The following CACYBP variants were observed in gnomAD, a reference collection of about 807,000 sequenced individuals.
CACYBP encodes the protein calcyclin binding protein.
Under a neutral mutation model 29.6 loss-of-function variants are expected in CACYBP, and 11 were observed. The ratio of observed to expected loss-of-function variants is 0.37; its 90% CI spans 0.23 to 0.61. CACYBP has a LOEUF of 0.61. Among genes scored for constraint, CACYBP ranks in the 20% least tolerant of loss-of-function variants. The pLI is 0.65. For missense variants in CACYBP, 163 were observed against 260.7 expected (o/e 0.63, Z 2.58); for synonymous variants, 73 against 88.3 (o/e 0.83, Z 0.97).
At position 175,010,312 on chromosome 1, in the gene CACYBP, A is replaced by G; in HGVS notation, c.*233A>G. 1 of 347,340 alleles carries G rather than the reference A, an allele frequency of 2.9e-6. No individual in the cohort carries two copies. The highest frequency in any genetic ancestry group is 5.2e-6 in the Non-Finnish European group (1 of 192,938). 21.5% of individuals were successfully genotyped at this position (347,340 alleles called of 1,614,324 possible). A position where few individuals can be genotyped will look rare whatever the true frequency, so the allele number is the denominator to read the frequency against. On this transcript the variant is annotated 3_prime_UTR_variant, in exon 6 of 6. Transcript: ENST00000367679. ...AGTACCCTGGTCATTTTGTTCAAGG[A>G]AGGGTTATATTGCATTCTCACGTGA...
chr1:175,005,726 C>G (rs1672605343), intron 2 of CACYBP, among the ~76,000 whole-genome samples: 1 of 152,144 alleles, frequency 6.6e-6, no homozygotes, highest in Non-Finnish European at 1.5e-5. Flanking sequence ...GTATAGGAAA[C>G]TGGTCTGAAG....
chr1:175,009,272 G>GT lies in CACYBP; in HGVS notation c.530+574dup, dbSNP rs201688392. 7.7e-4 allele frequency among the ~76,000 whole-genome samples: 117 copies of GT among 151,570 alleles called. 1 individual carries two copies. The highest frequency in any genetic ancestry group is 2.4e-3 in the African/African-American group (99 of 41,306). On this transcript the variant is annotated intron_variant, in intron 5 of 5. Transcript: ENST00000367679. ...TAATGTTTATGATTTTCCCTCAAGT[G>GT]TTTTTTTTCAAATTATGAGGAAACA...
chr1:175,000,435 A>G (rs973417285), intron 1 of CACYBP: 2 of 1,379,464 alleles, frequency 1.4e-6, no homozygotes, highest in African/African-American at 1.5e-5. Flanking sequence ...GTGTGCGGCG[A>G]TTATCCGTGC....
chr1:175,002,479 T>C (rs529878063), intron 1 of CACYBP, among the ~76,000 whole-genome samples: 1 of 152,332 alleles, frequency 6.6e-6, no homozygotes, highest in East Asian at 1.9e-4. Context: ...TTGGTGTTAA[T>C]GCCTCCTAGT....
chr1:175,006,626 T>A (rs758728598), intron 2 of CACYBP, 119 bp from the exon 3 acceptor site: 9 of 568,794 alleles, frequency 1.6e-5, no homozygotes, highest in Admixed American at 3.3e-5. Context: ...AATTTTTTCA[T>A]GTTTATATGA....
chr1:174,999,644 A>G (rs958477275), upstream of CACYBP: 12 of 226,552 alleles, frequency 5.3e-5, no homozygotes, highest in African/African-American at 2.9e-4. Flanking sequence ...AGCGGACGAA[A>G]GCAGGTGACT....
At chr1:175,009,019 GT>G (rs1468917235) in intron 5 of CACYBP, 2 of 218,220 alleles carry the variant, frequency 9.2e-6, no homozygotes, top group Non-Finnish European at 1.8e-5. Context: ...CTGATGCGTA[GT>G]TTTCATTGTC....
chr1:175,011,846 G>A lies in CACYBP; in HGVS notation c.*1767G>A, dbSNP rs1267814374. 2 of 152,254 alleles carry A rather than the reference G, an allele frequency of 1.3e-5. No individual in the cohort carries two copies. The highest frequency in any genetic ancestry group is 1.3e-4 in the Admixed American group (2 of 15,282). The allele number at this position is 152,254 out of a possible 1,614,324, so 9.4% of individuals were successfully genotyped here. On this transcript the variant is annotated 3_prime_UTR_variant, in exon 6 of 6. Coordinates refer to ENST00000367679, the MANE Select transcript of CACYBP (RefSeq NM_014412.3). Reference sequence around the variant, plus strand: ...TGGGCAGGTGCAGTGGCTCACACCTGTAATCCCAACACCTTGGGAGGCCAA... The same window carrying A: ...TGGGCAGGTGCAGTGGCTCACACCTATAATCCCAACACCTTGGGAGGCCAA...
At chr1:175,006,924 A>G in intron 3 of CACYBP, 83 bp downstream of exon 3, 1 of 923,544 alleles carries the variant, frequency 1.1e-6, no homozygotes, top group Non-Finnish European at 1.7e-6. Context: ...TGCAGTTTTT[A>G]AAATTCTTAA....
rs1034462 is a variant in CACYBP at position 175,011,187 on chromosome 1, T to C, written c.*1108T>C. ...AACTAAACTAAAGCTACAATTAATA[T>C]GGGAATTTGGAAGAAGTGGTAGGAT... On this transcript the variant is annotated 3_prime_UTR_variant, in exon 6 of 6. Transcript: ENST00000367679. 0.21 allele frequency: 30,525 copies of C among 146,332 alleles called. 3,331 individuals carry two copies. Among genetic ancestry groups the C allele is most frequent in the Admixed American group, 0.25 (3,669 of 14,544 alleles). The allele number at this position is 146,332 out of a possible 1,614,324, so 9.1% of individuals were successfully genotyped here.
At chr1:175,008,517 A>G in intron 4 of CACYBP, 92 bp from the exon 5 acceptor site, 2 of 722,216 alleles carry the variant, frequency 2.8e-6, no homozygotes, top group East Asian at 5.0e-5. Flanking sequence ...CATACTAGGG[A>G]CTTGATCAAT....
intron 4 of CACYBP, among the ~76,000 whole-genome samples, chr1:175,008,125 C>T (rs965327230): frequency 6.6e-6 from 1 of 152,104 alleles, no homozygotes; most frequent in Admixed American, 6.6e-5. Context: ...AAATGCCTCA[C>T]CTTGCCCCAT....
chr1:175,010,020 A>G lies in CACYBP; in HGVS notation c.628A>G (p.Ile210Val). The stretch of plus-strand genomic sequence containing the variant: ...TGGAGACGATGATATGAAGCGAACC[A>G]TTAATAAAGCCTGGGTGGAATCAAG... ...EDGDDDMKRT[I>V]NKAWVESREK... is the part of the protein sequence containing the mutation. The change falls in exon 6 of 6, where the codon ATT becomes GTT. Residue 210 changes from isoleucine (I) to valine (V), a missense_variant. Ile to Val is a conservative substitution (Grantham distance 29). Coordinates refer to ENST00000367679, the MANE Select transcript of CACYBP (RefSeq NM_014412.3). 1 of 1,613,868 alleles carries G rather than the reference A, an allele frequency of 6.2e-7. No individual in the cohort carries two copies. The highest frequency in any genetic ancestry group is 8.5e-7 in the Non-Finnish European group (1 of 1,179,798).
rs1672766325 is a variant in CACYBP, at chr1:175,011,903, A to AGAC, written c.*1825_*1827dup. Among the ~76,000 whole-genome samples the AGAC allele has an allele frequency of 6.6e-6, 1 of 152,202 alleles. No homozygotes were observed. Among genetic ancestry groups the AGAC allele is most frequent in the African/African-American group, 2.4e-5 (1 of 41,452 alleles). Reference sequence around the variant, plus strand: ...CGGATCACTTGAGGTCAGGAGTTCAAGACCATCTGGCCAACATGGTGAAAC... The same window carrying AGAC: ...CGGATCACTTGAGGTCAGGAGTTCAAGACGACCATCTGGCCAACATGGTGAAAC... On this transcript the variant is annotated 3_prime_UTR_variant, in exon 6 of 6. Transcript: ENST00000367679.
intron 5 of CACYBP, among the ~76,000 whole-genome samples, chr1:175,009,643 CAAAAAAA>C (rs67446162): frequency 9.9e-6 from 1 of 100,506 alleles, no homozygotes; most frequent in African/African-American, 4.3e-5. Flanking sequence ...AGGACTGTCT[CAAAAAAA>C]AAAAAAAAAA....
chr1:175,000,320 C>T (rs900167994), intron 1 of CACYBP, 125 bp downstream of exon 1: 3 of 1,478,914 alleles, frequency 2.0e-6, no homozygotes, highest in Non-Finnish European at 2.7e-6. Context: ...CCAGTCAGTG[C>T]GCCGCCTTCC....
intron 2 of CACYBP, chr1:175,005,041 T>A: frequency 1.7e-6 from 1 of 575,298 alleles, no homozygotes; most frequent in Non-Finnish European, 3.1e-6. Context: ...GGTGATTCAC[T>A]ACAAAATGTA....
Position 175,010,114 on chromosome 1 carries a change from G to T in CACYBP, c.*35G>T. On this transcript the variant is annotated 3_prime_UTR_variant, in exon 6 of 6. Coordinates refer to ENST00000367679, the MANE Select transcript of CACYBP (RefSeq NM_014412.3). ...GTCGTTTTGGGAACTGTGATGTGAT[G>T]TGGAAATACTGATGTTTCCAGTAAG... The T allele has an allele frequency of 6.3e-7, 1 of 1,577,012 alleles. No individual in the cohort carries two copies. The highest frequency in any genetic ancestry group is 8.7e-7 in the Non-Finnish European group (1 of 1,154,362).
At chr1:175,003,410 C>T (rs1175164870) in intron 1 of CACYBP, among the ~76,000 whole-genome samples, 1 of 152,192 alleles carries the variant, frequency 6.6e-6, no homozygotes, top group Non-Finnish European at 1.5e-5. Flanking sequence ...TGAGCCACTG[C>T]ACCTGGCCAG....
Sources: allele counts gnomAD v4.1 joint callset (sites outside exome capture counted in the v4.1 genomes callset), GRCh38; gene constraint gnomAD v4.1.1; transcripts MANE v1.5; gene names NCBI Gene and HGNC (gene_info 2026-07-23, HGNC 2026-07-21).